LIMK1: variants seen among roughly 807,000 people sequenced by gnomAD.
The protein encoded by LIMK1 is LIM motif-containing protein kinase.
LIMK1 carries 21 observed loss-of-function variants against 77.6 expected under a neutral mutation model. The ratio of observed to expected loss-of-function variants is 0.27; its 90% CI spans 0.19 to 0.39. The LOEUF is 0.39. Among genes scored for constraint, LIMK1 ranks in the 10% least tolerant of loss-of-function variants. The pLI is 1.00. For synonymous variants in LIMK1, 358 were observed against 370.0 expected (o/e 0.97, Z 0.37); for missense variants, 696 against 901.6 (o/e 0.77, Z 2.92).
chr7:74,120,869 C>G (rs1563926870), intron 14 of LIMK1, 23 bp from the exon 15 acceptor site: 1 of 1,613,826 alleles, frequency 6.2e-7, no homozygotes, highest in Non-Finnish European at 8.5e-7. Flanking sequence ...CCTGGAGTAA[C>G]TGCCGGGCCT....
chr7:74,105,513 CAAAAAAAAA>C (rs201143839), intron 5 of LIMK1, among the ~76,000 whole-genome samples: 17,137 of 93,708 alleles, frequency 0.18, 1,975 homozygotes, highest in African/African-American at 0.39. Flanking sequence ...ATTCTGTCTC[CAAAAAAAAA>C]AAAAAAAAAA....
At chr7:74,105,196 C>T (rs2115699341) in intron 5 of LIMK1, among the ~76,000 whole-genome samples, 1 of 152,250 alleles carries the variant, frequency 6.6e-6, no homozygotes, top group South Asian at 2.1e-4. Context: ...TCAAGTAATC[C>T]ATCCACCTTG....
At position 74,121,189 on chromosome 7, in the gene LIMK1, T is replaced by G. The variant is rs1554700529; in HGVS notation, c.1832T>G (p.Leu611Arg). 1 of 1,612,876 alleles carries G rather than the reference T, an allele frequency of 6.2e-7. No individual in the cohort carries two copies. Among genetic ancestry groups the G allele is most frequent in the Non-Finnish European group, 8.5e-7 (1 of 1,179,828 alleles). Residue 611 changes from leucine to arginine, a missense_variant, in exon 16 of 16, where the codon CTG becomes CGG. Physicochemically the swap from Leu to Arg is moderately radical, Grantham distance 102 (BLOSUM62 -2). Transcript: ENST00000336180. ...TGGCTGGAGACCCTCCGCATGCACCTGGCCGGCCACCTGCCACTGGGCCCA... is the reference window on the plus strand; with the variant it reads ...TGGCTGGAGACCCTCCGCATGCACCGGGCCGGCCACCTGCCACTGGGCCCA... ...EHWLETLRMH[L>R]AGHLPLGPQL...
At chr7:74,093,225 A>G (rs915330476) in intron 2 of LIMK1, 1 of 1,535,572 alleles carries the variant, frequency 6.5e-7, no homozygotes, top group African/African-American at 1.4e-5. Flanking sequence ...TTAGACCTCC[A>G]GAGCCCCCAG....
chr7:74,085,473 A>G (rs1464972734), intron 1 of LIMK1, among the ~76,000 whole-genome samples: 1 of 152,228 alleles, frequency 6.6e-6, no homozygotes, highest in Non-Finnish European at 1.5e-5. Context: ...ATCCAATGCT[A>G]TAGCGGGAGG....
At chr7:74,112,463 G>A (rs975701803) in intron 12 of LIMK1, among the ~76,000 whole-genome samples, 1 of 151,924 alleles carries the variant, frequency 6.6e-6, no homozygotes, top group Non-Finnish European at 1.5e-5. Context: ...GCTCACACCT[G>A]TAATCCCAGC....
chr7:74,099,597 G>A (rs1381624608), intron 5 of LIMK1, among the ~76,000 whole-genome samples: 1 of 151,816 alleles, frequency 6.6e-6, no homozygotes, highest in African/African-American at 2.4e-5. Context: ...AGGCATGGTA[G>A]TGTGTGCCTA....
Position 74,107,914 on chromosome 7 carries a change from T to A in LIMK1, c.1109T>A (p.Leu370Gln), listed in dbSNP as rs782719556. 1 of 1,578,576 alleles carries A rather than the reference T, an allele frequency of 6.3e-7. No individual in the cohort carries two copies. The highest frequency in any genetic ancestry group is 1.2e-5 in the South Asian group (1 of 85,848). ...ETGEVMVMKELIRFDEETQRT... is the reference protein window; with the variant it reads ...ETGEVMVMKEQIRFDEETQRT... ...GGTGAGGTGATGGTGATGAAGGAGC[T>A]GATCCGGTTCGACGAGGAGACCCAG... The change falls in exon 9 of 16, where the codon CTG becomes CAG. Residue 370 changes from leucine to glutamine, a missense_variant. By Grantham distance (113) the Leu-to-Gln change is moderately radical (BLOSUM62 -2). This residue lies in a region of LIMK1 where 438 missense variants were observed against 602.3 expected (regional missense o/e 0.73). Transcript: ENST00000336180.
chr7:74,110,416 C>T (rs1799671514), intron 10 of LIMK1: 1 of 152,218 alleles, frequency 6.6e-6, no homozygotes, highest in Non-Finnish European at 1.5e-5. Context: ...CCCCGTTCTC[C>T]TGGCATGGCT....
intron 5 of LIMK1, among the ~76,000 whole-genome samples, chr7:74,101,560 T>C (rs1428357619): frequency 6.6e-6 from 1 of 152,122 alleles, no homozygotes; most frequent in Non-Finnish European, 1.5e-5. Context: ...TCTGCCTCAC[T>C]GGGTAAGCAT....
At chr7:74,101,637 A>T (rs986295559) in intron 5 of LIMK1, among the ~76,000 whole-genome samples, 1 of 152,170 alleles carries the variant, frequency 6.6e-6, no homozygotes, top group Non-Finnish European at 1.5e-5. Flanking sequence ...AAAGAGCCCA[A>T]CTTGCCAAAG....
At chr7:74,105,479 C>G (rs1799547800) in intron 5 of LIMK1, among the ~76,000 whole-genome samples, 1 of 150,036 alleles carries the variant, frequency 6.7e-6, no homozygotes, top group Admixed American at 6.7e-5. Flanking sequence ...TGCCATTGCA[C>G]TCCAGCCTGG....
chr7:74,107,280 A>T (rs1554697821), intron 8 of LIMK1, 87 bp downstream of exon 8: 4 of 1,407,638 alleles, frequency 2.8e-6, no homozygotes, highest in South Asian at 1.5e-5. Context: ...ACACAGTGGA[A>T]GGGGTATCTG....
At chr7:74,096,226 A>G (rs548773214) in intron 2 of LIMK1, among the ~76,000 whole-genome samples, 1 of 151,112 alleles carries the variant, frequency 6.6e-6, no homozygotes, top group East Asian at 2.1e-4. Flanking sequence ...CGGCCTCCCA[A>G]AGTGCTGGGA....
At chr7:74,096,969 G>T in intron 3 of LIMK1, 111 bp from the exon 4 acceptor site, 1 of 1,044,120 alleles carries the variant, frequency 9.6e-7, no homozygotes, top group South Asian at 1.6e-5. Context: ...TGGCCAGCCG[G>T]GTCCCTGCAG....
At chr7:74,106,914 T>C (rs1799585662) in intron 7 of LIMK1, 96 bp from the exon 8 acceptor site, 3 of 1,230,314 alleles carry the variant, frequency 2.4e-6, no homozygotes, top group East Asian at 2.6e-5. Context: ...TAGACTGGCA[T>C]GGACAGGGGC....
At position 74,096,204 on chromosome 7, in the gene LIMK1, A is replaced by G. The variant is rs560023038; in HGVS notation, c.153-418A>G. On this transcript the variant is annotated intron_variant, in intron 2 of 15. Coordinates refer to ENST00000336180, the MANE Select transcript of LIMK1 (RefSeq NM_002314.4). ...GGTCTCAGACTCCTGACCCCAAGTG[A>G]TCTGCCCACCTCGGCCTCCCAAAGT... Among the ~76,000 whole-genome samples, 63 of 151,426 alleles carry G rather than the reference A, an allele frequency of 4.2e-4. No individual in the cohort carries two copies. In the South Asian group the frequency reaches 0.012, roughly 28 times the overall value.
intron 2 of LIMK1, among the ~76,000 whole-genome samples, chr7:74,090,332 G>A (rs1284719172): frequency 6.6e-6 from 1 of 151,508 alleles, no homozygotes; most frequent in Non-Finnish European, 1.5e-5. Flanking sequence ...TCAAGATCGC[G>A]CCACTGCACT....
At chr7:74,120,455 G>A in intron 13 of LIMK1, 128 bp from the exon 14 acceptor site, 1 of 898,372 alleles carries the variant, frequency 1.1e-6, no homozygotes, top group East Asian at 2.4e-5. Flanking sequence ...CATAGAGGTT[G>A]CCGGCATCTG....
Sources: allele counts gnomAD v4.1 joint callset (sites outside exome capture counted in the v4.1 genomes callset), GRCh38; gene constraint gnomAD v4.1.1; regional missense constraint gnomAD v4.1.1; transcripts MANE v1.5; gene names NCBI Gene and HGNC (gene_info 2026-07-23, HGNC 2026-07-21).